GNAO1: variants seen among roughly 807,000 people sequenced by gnomAD.
The protein encoded by GNAO1 is guanine nucleotide-binding protein G(o) subunit alpha.
For missense variants in GNAO1, 166 were observed against 478.7 expected, an observed-to-expected ratio of 0.35 and a Z score of 6.10; for synonymous variants, 164 against 180.7, an observed-to-expected ratio of 0.91 and a Z score of 0.74.
intron 2 of GNAO1, among the ~76,000 whole-genome samples, chr16:56,258,528 C>T (rs1177930039): frequency 6.6e-6 from 1 of 152,150 alleles, no homozygotes; most frequent in African/African-American, 2.4e-5. Context: ...AGCAGAAAAC[C>T]CCTTGCCCAT....
intron 2 of GNAO1, chr16:56,194,056 G>GT (rs1339071411): frequency 2.2e-6 from 1 of 452,540 alleles, no homozygotes; most frequent in South Asian, 1.6e-5. Context: ...TCTTGGATGT[G>GT]TAACAGGCAT....
intron 2 of GNAO1, among the ~76,000 whole-genome samples, chr16:56,206,397 A>G (rs1406227268): frequency 3.9e-5 from 6 of 151,926 alleles, no homozygotes; most frequent in Non-Finnish European, 8.8e-5. Flanking sequence ...ATGGAAGGAC[A>G]TTTGGGTTTC....
intron 3 of GNAO1, among the ~76,000 whole-genome samples, chr16:56,289,882 C>T (rs926849683): frequency 2.6e-5 from 4 of 152,200 alleles, no homozygotes; most frequent in African/African-American, 4.8e-5. Context: ...AACAATTGCA[C>T]CAGCCTCTCC....
Position 56,239,370 on chromosome 16 carries a change from T to C in GNAO1, c.162-36561T>C, listed in dbSNP as rs1321397341. On this transcript the variant is annotated intron_variant, in intron 2 of 8. Transcript: ENST00000262493. The stretch of plus-strand genomic sequence containing the variant: ...AAAAAGACTTATGTTTTAATAAAAC[T>C]CCCTTTAATAATTAGGTGCTTTAAT... 2.6e-5 allele frequency among the ~76,000 whole-genome samples: 4 copies of C among 152,368 alleles called. No individual in the cohort carries two copies. The East Asian group carries it at 7.7e-4, about 29-fold the overall frequency.
intron 2 of GNAO1, among the ~76,000 whole-genome samples, chr16:56,269,179 C>T (rs2143504464): frequency 6.6e-6 from 1 of 152,360 alleles, no homozygotes; most frequent in Middle Eastern, 3.4e-3. Context: ...CAACCACTCC[C>T]AACGTGTTCA....
At chr16:56,257,674 C>T (rs112349874) in intron 2 of GNAO1, among the ~76,000 whole-genome samples, 24 of 152,252 alleles carry the variant, frequency 1.6e-4, no homozygotes, top group African/African-American at 5.1e-4. Context: ...GACTACAGCC[C>T]GTATTTATTA....
chr16:56,203,844 A>G (rs2036302051), intron 2 of GNAO1, among the ~76,000 whole-genome samples: 2 of 152,168 alleles, frequency 1.3e-5, no homozygotes, highest in Non-Finnish European at 2.9e-5. Flanking sequence ...GGGCAGGCTC[A>G]TGTGGCTGAA....
chr16:56,239,170 C>G (rs1490275565), intron 2 of GNAO1, among the ~76,000 whole-genome samples: 6 of 152,230 alleles, frequency 3.9e-5, no homozygotes, highest in Non-Finnish European at 8.8e-5. Flanking sequence ...CACAGGCACT[C>G]TGCCTGAGAC....
intron 4 of GNAO1, among the ~76,000 whole-genome samples, chr16:56,333,920 C>G (rs1268638517): frequency 6.6e-6 from 1 of 152,272 alleles, no homozygotes; most frequent in Non-Finnish European, 1.5e-5. Context: ...TCCCCACTTC[C>G]TGATTTCCCA....
At chr16:56,347,520 C>A (rs1235018031) in intron 6 of GNAO1, 24 of 985,526 alleles carry the variant, frequency 2.4e-5, no homozygotes, top group Non-Finnish European at 2.8e-5. Context: ...AGACAGACCC[C>A]ACTGCAGCCA....
Position 56,355,032 on chromosome 16 carries a change from C to G in GNAO1, c.1044C>G (p.Leu348=). 2.5e-6 allele frequency: 4 copies of G among 1,613,276 alleles called. No individual in the cohort carries two copies. Among genetic ancestry groups the G allele is most frequent in the Non-Finnish European group, 3.4e-6 (4 of 1,179,396 alleles). Residue 348 remains leucine, a synonymous_variant, in exon 8 of 9, where the codon CTC becomes CTG. Transcript: ENST00000262493. ...AVTDIIIANN[L]RGCGLY Reference sequence around the variant, plus strand: ...CCGACATCATCATTGCCAACAACCTCCGGGGCTGCGGCTTGTACTGACCTC... The same window carrying G: ...CCGACATCATCATTGCCAACAACCTGCGGGGCTGCGGCTTGTACTGACCTC...
intron 3 of GNAO1, among the ~76,000 whole-genome samples, chr16:56,297,975 C>G (rs1165881597): frequency 6.6e-6 from 1 of 151,910 alleles, no homozygotes; most frequent in Non-Finnish European, 1.5e-5. Context: ...TTGAGACCAG[C>G]CTGGGAAACA....
At chr16:56,278,594 C>T (rs994338048) in intron 3 of GNAO1, among the ~76,000 whole-genome samples, 1 of 152,194 alleles carries the variant, frequency 6.6e-6, no homozygotes, top group Non-Finnish European at 1.5e-5. Context: ...CAACATCCTT[C>T]CCTTTCCATG....
chr16:56,192,432 C>T (rs1282627375), intron 1 of GNAO1, 79 bp downstream of exon 1: 46 of 970,412 alleles, frequency 4.7e-5, no homozygotes, highest in Non-Finnish European at 5.9e-5. Flanking sequence ...CCACCCCACT[C>T]GCGCCCGGGA....
intron 3 of GNAO1, among the ~76,000 whole-genome samples, chr16:56,300,087 G>A (rs1287544515): frequency 2.0e-5 from 3 of 151,624 alleles, no homozygotes; most frequent in Admixed American, 6.6e-5. Flanking sequence ...CTGTGTCCAC[G>A]TGTAGCTGGA....
chr16:56,296,957 G>A (rs1267523887), intron 3 of GNAO1, among the ~76,000 whole-genome samples: 1 of 152,082 alleles, frequency 6.6e-6, no homozygotes, highest in Non-Finnish European at 1.5e-5. Context: ...CCACTTCAAA[G>A]CGTCTCCCTC....
chr16:56,319,595 G>T (rs761363115), intron 3 of GNAO1, among the ~76,000 whole-genome samples: 2 of 152,114 alleles, frequency 1.3e-5, no homozygotes, highest in Non-Finnish European at 2.9e-5. Flanking sequence ...TGTCACCAGG[G>T]TGCTGCTTCC....
chr16:56,344,985 G>A, intron 6 of GNAO1: 1 of 982,330 alleles, frequency 1.0e-6, no homozygotes, highest in Non-Finnish European at 1.2e-6. Flanking sequence ...CAGCCCCTGG[G>A]GACAGAGGAC....
intron 3 of GNAO1, chr16:56,307,180 G>A (rs2037405451): frequency 6.6e-6 from 1 of 152,200 alleles, no homozygotes; most frequent in African/African-American, 2.4e-5. Flanking sequence ...CCCAGGAGGG[G>A]GCTGCTCCCT....
Sources: gnomAD v4.1 joint callset for allele counts (sites outside exome capture counted in the v4.1 genomes callset) on GRCh38, gnomAD v4.1.1 for gene constraint, MANE v1.5 for transcripts, NCBI Gene and HGNC (gene_info 2026-07-23, HGNC 2026-07-21) for gene names.